Variants in ASF1A observed in about 807,000 individuals in gnomAD.
ASF1A encodes anti-silencing function 1A histone chaperone.
In ASF1A, 5 loss-of-function variants were observed where a neutral mutation model predicts 22.0. That is an observed-to-expected ratio of 0.23 (90% confidence interval 0.12 to 0.48). The LOEUF is 0.48. ASF1A is among the 20% of genes least tolerant of loss of function. The pLI is 0.99. For synonymous variants in ASF1A, 97 were observed against 86.7 expected, an observed-to-expected ratio of 1.12 and a Z score of -0.66; for missense variants, 137 against 240.6, an observed-to-expected ratio of 0.57 and a Z score of 2.85.
At chr6:118,895,167 G>T (rs1362057268) in intron 1 of ASF1A, among the ~76,000 whole-genome samples, 4 of 151,924 alleles carry the variant, frequency 2.6e-5, no homozygotes, top group Non-Finnish European at 5.9e-5. Context: ...CCAACCAGCG[G>T]GGGAGGCGGG....
chr6:118,905,580 G>T, intron 2 of ASF1A, 72 bp from the exon 3 acceptor site: 2 of 1,291,678 alleles, frequency 1.5e-6, no homozygotes. Context: ...CTAGGTAACT[G>T]AAACTCCAGT....
chr6:118,902,269 T>G (rs1779847037), intron 2 of ASF1A, among the ~76,000 whole-genome samples: 1 of 152,200 alleles, frequency 6.6e-6, no homozygotes, highest in African/African-American at 2.4e-5. Flanking sequence ...ACCTCCTCCC[T>G]TAGTCATTCC....
At chr6:118,906,370 G>A (rs1780179396) in intron 3 of ASF1A, among the ~76,000 whole-genome samples, 3 of 152,154 alleles carry the variant, frequency 2.0e-5, no homozygotes, top group Admixed American at 2.0e-4. Flanking sequence ...ACCACGCCCA[G>A]AGAAAGTACT....
chr6:118,908,495 T>C lies in ASF1A; in HGVS notation c.*881T>C, dbSNP rs933445676. 1.1e-4 allele frequency: 16 copies of C among 152,106 alleles called. No individual in the cohort carries two copies. The highest frequency in any genetic ancestry group is 3.9e-4 in the African/African-American group (16 of 41,448). 9.4% of individuals were successfully genotyped at this position (152,106 alleles called of 1,614,324 possible). On this transcript the variant is annotated 3_prime_UTR_variant, in exon 4 of 4. Transcript: ENST00000229595. ...ATTGGCAGTATTTATATAAAAACCA[T>C]GGATTTAGAAAGGTATATTTAGCTT... is the stretch of plus-strand genomic sequence containing the variant.
At chr6:118,903,817 G>A (rs982875070) in intron 2 of ASF1A, among the ~76,000 whole-genome samples, 1 of 152,106 alleles carries the variant, frequency 6.6e-6, no homozygotes. Flanking sequence ...AAATTCCTGG[G>A]CTCAAGTGAT....
chr6:118,894,570 C>A, intron 1 of ASF1A, 48 bp downstream of exon 1: 1 of 1,453,916 alleles, frequency 6.9e-7, no homozygotes, highest in Non-Finnish European at 9.3e-7. Context: ...GGGCTGCAGA[C>A]GTTGAAAGTT....
chr6:118,907,425 T>C lies in ASF1A; in HGVS notation c.426T>C (p.Ser142=). 1 of 1,605,806 alleles carries C rather than the reference T, an allele frequency of 6.2e-7. No individual in the cohort carries two copies. Among genetic ancestry groups the C allele is most frequent in the Non-Finnish European group, 8.5e-7 (1 of 1,175,380 alleles). The change falls in exon 4 of 4, where the codon TCT becomes TCC. Residue 142 remains serine, a synonymous_variant. Transcript: ENST00000229595. The part of the protein sequence containing the change: ...FSKLQRNILA[S]NPRVTRFHIN... The stretch of plus-strand genomic sequence containing the variant: ...AGCTTCAAAGGAATATTTTGGCATC[T>C]AATCCCAGGGTCACAAGATTCCACA...
At position 118,894,676 on chromosome 6, in the gene ASF1A, GC is replaced by G. The variant is rs768144642; in HGVS notation, c.109+156del. Among the ~76,000 whole-genome samples the G allele has an allele frequency of 1.7e-4, 26 of 152,348 alleles. No homozygotes were observed. The East Asian group carries it at 2.1e-3, about 12-fold the overall frequency. On this transcript the variant is annotated intron_variant, in intron 1 of 3. Coordinates refer to ENST00000229595, the MANE Select transcript of ASF1A (RefSeq NM_014034.3). ...AACTTGAAGTTGATGGACGACGGCC[GC>G]CGAGGCGCGCGCGGCTTTCCGCCGC... is the stretch of plus-strand genomic sequence containing the variant.
Position 118,905,634 on chromosome 6 carries a change from C to T in ASF1A, c.226-18C>T. On this transcript the variant is annotated intron_variant, in intron 2 of 3. Transcript: ENST00000229595. The stretch of plus-strand genomic sequence containing the variant: ...CCTTTTGTGTGTGTGTGTTTCTTTT[C>T]TTTTTAATTTATTCTAGGCTGATGC... 1 of 1,574,658 alleles carries T rather than the reference C, an allele frequency of 6.4e-7. No homozygotes were observed. The highest frequency in any genetic ancestry group is 2.3e-5 in the East Asian group (1 of 43,976).
intron 1 of ASF1A, among the ~76,000 whole-genome samples, chr6:118,899,549 TG>T (rs1260250403): frequency 1.3e-5 from 2 of 152,182 alleles, no homozygotes; most frequent in Non-Finnish European, 2.9e-5. Context: ...ACCCTGCATC[TG>T]GAAGTGTGCT....
intron 1 of ASF1A, among the ~76,000 whole-genome samples, chr6:118,898,070 A>G (rs1779554992): frequency 6.6e-6 from 1 of 152,200 alleles, no homozygotes; most frequent in African/African-American, 2.4e-5. Context: ...CTTCCCAGTT[A>G]GGTTTTCAGA....
intron 2 of ASF1A, among the ~76,000 whole-genome samples, chr6:118,904,862 G>A (rs556454530): frequency 1.4e-4 from 22 of 152,142 alleles, no homozygotes; most frequent in Non-Finnish European, 2.9e-5. Context: ...TGTTTGAGAC[G>A]GAGTCTCACT....
intron 1 of ASF1A, among the ~76,000 whole-genome samples, chr6:118,896,041 G>GT (rs200142006): frequency 0.16 from 22,564 of 138,504 alleles, 1,799 homozygotes; most frequent in Non-Finnish European, 0.2. Flanking sequence ...ATGTGCCCCC[G>GT]TTTTTTTTTT....
intron 1 of ASF1A, among the ~76,000 whole-genome samples, chr6:118,895,799 T>C (rs1196503088): frequency 6.6e-6 from 1 of 152,166 alleles, no homozygotes; most frequent in Non-Finnish European, 1.5e-5. Flanking sequence ...ATGTAAAAAA[T>C]GCATTGAAGA....
rs1268732790 is a variant in ASF1A, at chr6:118,908,549, A to G, written c.*935A>G. 6.6e-6 allele frequency: 1 copy of G among 152,080 alleles called. No homozygotes were observed. Among genetic ancestry groups the G allele is most frequent in the Non-Finnish European group, 1.5e-5 (1 of 67,978 alleles). 9.4% of individuals were successfully genotyped at this position (152,080 alleles called of 1,614,324 possible). ...TATAATAGATACGTTACTATTTTGG[A>G]AATATATATATTTTCACACCTGTAG... On this transcript the variant is annotated 3_prime_UTR_variant, in exon 4 of 4. Transcript: ENST00000229595.
At chr6:118,904,884 C>T (rs1780066171) in intron 2 of ASF1A, among the ~76,000 whole-genome samples, 2 of 152,364 alleles carry the variant, frequency 1.3e-5, no homozygotes, top group South Asian at 4.1e-4. Context: ...TGTCGCCAGG[C>T]TGGAGTGCAG....
At chr6:118,900,011 T>A (rs1033837192) in intron 1 of ASF1A, among the ~76,000 whole-genome samples, 1 of 152,234 alleles carries the variant, frequency 6.6e-6, no homozygotes, top group Admixed American at 6.5e-5. Context: ...TTGTAAAACA[T>A]GCTCAGTAAA....
At chr6:118,901,352 G>A (rs1206008187) in intron 2 of ASF1A, among the ~76,000 whole-genome samples, 1 of 152,216 alleles carries the variant, frequency 6.6e-6, no homozygotes, top group Non-Finnish European at 1.5e-5. Context: ...AGCATAATCA[G>A]TAGTTGAGCT....
intron 1 of ASF1A, among the ~76,000 whole-genome samples, chr6:118,894,817 C>T (rs765827001): frequency 3.3e-5 from 5 of 152,324 alleles, no homozygotes; most frequent in African/African-American, 4.8e-5. Context: ...CGCACTCGCT[C>T]CCGCTGCGCC....
Sources: gnomAD v4.1 joint callset for allele counts (sites outside exome capture counted in the v4.1 genomes callset) on GRCh38, gnomAD v4.1.1 for gene constraint, MANE v1.5 for transcripts, NCBI Gene and HGNC (gene_info 2026-07-23, HGNC 2026-07-21) for gene names.